The following UGGT2 variants were observed in gnomAD, a reference collection of about 807,000 sequenced individuals.
UGGT2 encodes UDP-glucose glycoprotein glucosyltransferase 2.
UGGT2 carries 180 observed loss-of-function variants against 192.1 expected under a neutral mutation model. The ratio of observed to expected loss-of-function variants is 0.94; its 90% CI spans 0.83 to 1.06. UGGT2 has a LOEUF of 1.06. UGGT2 is among the 50% of genes least tolerant of loss of function. The pLI is 0.00. For synonymous variants in UGGT2, 580 were observed against 591.0 expected, an observed-to-expected ratio of 0.98 and a Z score of 0.27; for missense variants, 1,849 against 1,795.7, an observed-to-expected ratio of 1.03 and a Z score of -0.54.
intron 19 of UGGT2, 144 bp downstream of exon 19, chr13:95,926,884 C>T (rs964045561): frequency 5.5e-6 from 4 of 730,848 alleles, no homozygotes; most frequent in African/African-American, 5.5e-5. Flanking sequence ...ACGTTAAATA[C>T]TAAAAAATTT....
At chr13:95,854,535 T>A (rs1889396165) in intron 34 of UGGT2, 60 bp from the exon 35 acceptor site, 1 of 1,405,560 alleles carries the variant, frequency 7.1e-7, no homozygotes. Context: ...CCCTTTTTTA[T>A]GGGAATCTCA....
intron 12 of UGGT2, among the ~76,000 whole-genome samples, chr13:95,955,425 G>T (rs1594429942): frequency 6.6e-6 from 1 of 152,300 alleles, no homozygotes; most frequent in East Asian, 1.9e-4. Context: ...TAAGAATCTA[G>T]ATAGGATATT....
intron 1 of UGGT2, among the ~76,000 whole-genome samples, chr13:96,040,259 G>A (rs184781996): frequency 8.5e-5 from 13 of 152,302 alleles, no homozygotes; most frequent in Non-Finnish European, 1.2e-4. Context: ...CCAAAATCAA[G>A]GTGTTGGCAG....
At chr13:95,910,364 C>T (rs1403526788) in intron 20 of UGGT2, among the ~76,000 whole-genome samples, 1 of 151,978 alleles carries the variant, frequency 6.6e-6, no homozygotes, top group Non-Finnish European at 1.5e-5. Context: ...TGCAGAGACA[C>T]ACATAGGCTC....
At chr13:95,902,354 A>G (rs1393837689) in intron 21 of UGGT2, among the ~76,000 whole-genome samples, 1 of 152,114 alleles carries the variant, frequency 6.6e-6, no homozygotes. Flanking sequence ...AATCAAAACC[A>G]CTTATAAATA....
chr13:96,001,469 C>A (rs1403156865), intron 5 of UGGT2, among the ~76,000 whole-genome samples: 2 of 152,100 alleles, frequency 1.3e-5, no homozygotes, highest in East Asian at 1.9e-4. Flanking sequence ...CGGACTCAGC[C>A]CGCCTGCACC....
intron 5 of UGGT2, among the ~76,000 whole-genome samples, chr13:96,000,906 CAT>C (rs1053736703): frequency 2.0e-5 from 3 of 152,120 alleles, no homozygotes; most frequent in East Asian, 1.9e-4. Flanking sequence ...CACAAAAAGG[CAT>C]ATGTTAAAAA....
chr13:95,998,169 G>A (rs116232056), intron 6 of UGGT2, among the ~76,000 whole-genome samples: 1,964 of 152,240 alleles, frequency 0.013, 40 homozygotes, highest in African/African-American at 0.045. Flanking sequence ...GAATTGACAG[G>A]CGAAGACATA....
intron 11 of UGGT2, among the ~76,000 whole-genome samples, chr13:95,971,855 G>GT (rs1467915807): frequency 6.6e-6 from 1 of 152,030 alleles, no homozygotes. Flanking sequence ...ATTTTCCAAC[G>GT]TATTTCCAAA....
At chr13:96,014,814 C>G (rs944586469) in intron 4 of UGGT2, among the ~76,000 whole-genome samples, 5 of 152,114 alleles carry the variant, frequency 3.3e-5, no homozygotes, top group African/African-American at 7.2e-5. Flanking sequence ...TAAATTTTAA[C>G]TGAAATCTTG....
intron 38 of UGGT2, among the ~76,000 whole-genome samples, chr13:95,832,062 A>C (rs1344343005): frequency 2.0e-5 from 3 of 151,068 alleles, no homozygotes; most frequent in Non-Finnish European, 4.4e-5. Flanking sequence ...TTTTTTTTTA[A>C]AGTCAAGATG....
rs539746046 is a variant in UGGT2 at position 96,041,222 on chromosome 13, C to T, written c.159-9251G>A. On this transcript the variant is annotated intron_variant, in intron 1 of 38. Coordinates refer to ENST00000376747, the MANE Select transcript of UGGT2 (RefSeq NM_020121.4). Reference sequence around the variant, plus strand: ...GGGATTGTCTGCCCCTGAAAACACACTCTCACTGGGGAACCCGAAGGTGTA... The same window carrying T: ...GGGATTGTCTGCCCCTGAAAACACATTCTCACTGGGGAACCCGAAGGTGTA... Among the ~76,000 whole-genome samples the T allele has an allele frequency of 1.1e-3, 169 of 152,296 alleles. 1 individual carries two copies. Among genetic ancestry groups the T allele is most frequent in the African/African-American group, 3.9e-3 (164 of 41,568 alleles).
At chr13:96,019,393 C>A (rs969995928) in intron 4 of UGGT2, among the ~76,000 whole-genome samples, 1 of 152,228 alleles carries the variant, frequency 6.6e-6, no homozygotes, top group South Asian at 2.1e-4. Flanking sequence ...CTAAAGAACA[C>A]TGAATGTGGG....
At position 95,883,953 on chromosome 13, in the gene UGGT2, C is replaced by T. The variant is rs147407149; in HGVS notation, c.3228+538G>A. Among the ~76,000 whole-genome samples, 707 of 150,372 alleles carry T rather than the reference C, an allele frequency of 4.7e-3. 5 individuals are homozygous for T. The highest frequency in any genetic ancestry group is 0.017 in the African/African-American group (676 of 40,938). On this transcript the variant is annotated intron_variant, in intron 27 of 38. Coordinates refer to ENST00000376747, the MANE Select transcript of UGGT2 (RefSeq NM_020121.4). ...ACTACTCACTAGACAAGGGTCATACCGGGGGTGATGAGAAGCAGGTATACC... is the reference window on the plus strand; with the variant it reads ...ACTACTCACTAGACAAGGGTCATACTGGGGGTGATGAGAAGCAGGTATACC...
At chr13:95,953,618 G>A (rs1203842622) in intron 12 of UGGT2, among the ~76,000 whole-genome samples, 2 of 152,080 alleles carry the variant, frequency 1.3e-5, no homozygotes. Flanking sequence ...TTTAAAAGAA[G>A]AAAATTTTTT....
intron 22 of UGGT2, 107 bp downstream of exon 22, chr13:95,900,700 C>A: frequency 8.0e-7 from 1 of 1,244,938 alleles, no homozygotes; most frequent in Non-Finnish European, 1.1e-6. Context: ...TCATGAACAC[C>A]GTCCTCTGTG....
chr13:95,898,781 G>A (rs774617983), intron 22 of UGGT2, among the ~76,000 whole-genome samples: 6 of 152,110 alleles, frequency 3.9e-5, no homozygotes, highest in Non-Finnish European at 7.4e-5. Flanking sequence ...GCCTTCTGCC[G>A]TATGAGGATG....
At chr13:95,888,304 G>C (rs1448962760) in intron 25 of UGGT2, among the ~76,000 whole-genome samples, 2 of 152,130 alleles carry the variant, frequency 1.3e-5, no homozygotes, top group Non-Finnish European at 1.5e-5. Flanking sequence ...CTAGAACCTT[G>C]ATCTGCAAAT....
intron 32 of UGGT2, among the ~76,000 whole-genome samples, chr13:95,860,126 C>T (rs1890018455): frequency 6.6e-6 from 1 of 151,876 alleles, no homozygotes; most frequent in African/African-American, 2.4e-5. Context: ...ATCTGAAGTT[C>T]CATTTTAACG....
Sources: gnomAD v4.1 joint callset for allele counts (sites outside exome capture counted in the v4.1 genomes callset) on GRCh38, gnomAD v4.1.1 for gene constraint, MANE v1.5 for transcripts, NCBI Gene and HGNC (gene_info 2026-07-23, HGNC 2026-07-21) for gene names.